The following MAP2K7 variants were observed in gnomAD, a reference collection of about 807,000 sequenced individuals.
MAP2K7 encodes dual specificity mitogen-activated protein kinase kinase 7.
In MAP2K7, 12 loss-of-function variants were observed where a neutral mutation model predicts 47.7. The observed-to-expected ratio is 0.25, with a 90% CI of 0.16 to 0.41. MAP2K7 has a LOEUF of 0.41. Ranked by LOEUF, MAP2K7 falls within the 10% of genes least tolerant of loss-of-function variation. The probability of loss-of-function intolerance (pLI) is 1.00; values close to 1 mark genes in which losing one functional copy is unlikely to be tolerated. For synonymous variants in MAP2K7, 299 were observed against 243.0 expected (o/e 1.23, Z -2.14); for missense variants, 415 against 600.3 (o/e 0.69, Z 3.23).
At position 7,912,834 on chromosome 19, in the gene MAP2K7, C is replaced by CCTCTGTCCCCTGCTCTACCT. The variant is rs1983002567; in HGVS notation, c.*412_*431dup. ...CACGCGCCCGTTCCTCTTCCGTCGC[C>CCTCTGTCCCCTGCTCTACCT]CTCTGTCCCCTGCTCTACCTCTCTG... On this transcript the variant is annotated 3_prime_UTR_variant, in exon 11 of 11. Coordinates refer to ENST00000397979, the MANE Select transcript of MAP2K7 (RefSeq NM_145185.4). The CCTCTGTCCCCTGCTCTACCT allele has an allele frequency of 4.4e-6, 1 of 229,856 alleles. No individual in the cohort carries two copies. Among genetic ancestry groups the CCTCTGTCCCCTGCTCTACCT allele is most frequent in the African/African-American group, 2.3e-5 (1 of 43,148 alleles). The allele number at this position is 229,856 out of a possible 1,614,324, so 14.2% of individuals were successfully genotyped here.
intron 1 of MAP2K7, 64 bp downstream of exon 1, chr19:7,904,132 C>G: frequency 8.4e-7 from 1 of 1,185,450 alleles, no homozygotes; most frequent in South Asian, 3.7e-5. Context: ...GCGGGAGGCC[C>G]CGCCCCCACC....
chr19:7,904,094 G>T, intron 1 of MAP2K7, 26 bp downstream of exon 1: 1 of 1,227,788 alleles, frequency 8.1e-7, no homozygotes, highest in East Asian at 3.5e-5. Flanking sequence ...TGGGGGAGGG[G>T]GCGGGCGGGC....
chr19:7,911,415 C>A, intron 8 of MAP2K7, 21 bp from the exon 9 acceptor site: 1 of 1,613,326 alleles, frequency 6.2e-7, no homozygotes, highest in Non-Finnish European at 8.5e-7. Flanking sequence ...ACCTGTCCAG[C>A]CCTGCCCGTC....
At chr19:7,908,169 A>G (rs1245370631) in intron 1 of MAP2K7, among the ~76,000 whole-genome samples, 1 of 151,950 alleles carries the variant, frequency 6.6e-6, no homozygotes, top group Admixed American at 6.5e-5. Context: ...TATCTCAAAA[A>G]AAAAAAAAAA....
chr19:7,904,034 C>T lies in MAP2K7; in HGVS notation c.90C>T (p.Leu30=), dbSNP rs961443626. Residue 30 remains leucine (L), a synonymous_variant, in exon 1 of 11, where the codon CTC becomes CTT. Coordinates refer to ENST00000397979, the MANE Select transcript of MAP2K7 (RefSeq NM_145185.4). ...GGGAGGCCCGGCGGAGGATCGACCT[C>T]AACCTGGATATCAGCCCCCAGCGGC... is the stretch of plus-strand genomic sequence containing the variant. ...ENREARRRID[L]NLDISPQRPR... is the part of the protein sequence containing the mutation. The T allele has an allele frequency of 4.7e-6, 7 of 1,492,286 alleles. No individual in the cohort carries two copies. The highest frequency in any genetic ancestry group is 5.4e-6 in the Non-Finnish European group (6 of 1,115,062). The allele number at this position is 1,492,286 out of a possible 1,614,324, so 92.4% of individuals were successfully genotyped here. A position where few individuals can be genotyped will look rare whatever the true frequency, so the allele number is the denominator to read the frequency against.
Position 7,910,269 on chromosome 19 carries a change from G to A in MAP2K7, c.343G>A (p.Ala115Thr). Reference protein sequence around the residue: ...YLTIGGQRYQAEINDLENLGE... With the variant: ...YLTIGGQRYQTEINDLENLGE... ...CTCCCTCTCCTCCCAGCGCTACCAGGCAGAAATCAACGACCTGGAGAACTT... is the reference window on the plus strand; with the variant it reads ...CTCCCTCTCCTCCCAGCGCTACCAGACAGAAATCAACGACCTGGAGAACTT... Residue 115 changes from alanine (A) to threonine (T), a missense_variant, in exon 4 of 11, where the codon GCA becomes ACA. This residue lies in a region of MAP2K7 where 206 missense variants were observed against 368.8 expected (regional missense o/e 0.56). Transcript: ENST00000397979. 6.2e-7 allele frequency: 1 copy of A among 1,613,182 alleles called. No individual in the cohort carries two copies.
rs1982921234 is a variant in MAP2K7 at position 7,912,189 on chromosome 19, C to T, written c.1120C>T (p.Leu374=). The change falls in exon 10 of 11, where the codon CTA becomes TTA. Residue 374 remains leucine (L), a synonymous_variant. Coordinates refer to ENST00000397979, the MANE Select transcript of MAP2K7 (RefSeq NM_145185.4). ...CAGGAAGAGACCAAAGTATAATAAG[C>T]TACTTGTGAGTACCTGAGCCCTCCC... is the stretch of plus-strand genomic sequence containing the variant. The part of the protein sequence containing the change: ...DHRKRPKYNK[L]LEHSFIKRYE... The T allele has an allele frequency of 1.2e-6, 2 of 1,613,916 alleles. No homozygotes were observed. Among genetic ancestry groups the T allele is most frequent in the African/African-American group, 1.3e-5 (1 of 74,952 alleles).
chr19:7,907,416 T>C (rs1982536011), intron 1 of MAP2K7, among the ~76,000 whole-genome samples: 1 of 152,218 alleles, frequency 6.6e-6, no homozygotes, highest in East Asian at 1.9e-4. Context: ...TTGCACGGCA[T>C]GTGCGTGCAT....
intron 1 of MAP2K7, chr19:7,905,854 A>G: frequency 3.7e-6 from 6 of 1,612,444 alleles, no homozygotes; most frequent in Non-Finnish European, 5.1e-6. Flanking sequence ...CCCAACGAGC[A>G]GGTACCAGCC....
intron 1 of MAP2K7, 116 bp from the exon 2 acceptor site, chr19:7,909,639 C>T (rs543597143): frequency 1.3e-5 from 8 of 621,380 alleles, no homozygotes; most frequent in South Asian, 5.8e-5. Context: ...CAGCCTAGCT[C>T]GGGAAACCCA....
chr19:7,904,433 C>T (rs1007964452), intron 1 of MAP2K7: 2 of 381,108 alleles, frequency 5.2e-6, no homozygotes, highest in South Asian at 1.8e-5. Context: ...CCTGATGCTA[C>T]CACTCTCGTC....
In MAP2K7 at chr19:7,911,264, C is replaced by G; in HGVS notation, c.870C>G (p.Asp290Glu). Reference sequence around the variant, plus strand: ...CCCCCCTGCAGCCCGAGCGCATTGACCCCCCAGACCCCACCAAGCCGGACT... The same window carrying G: ...CCCCCCTGCAGCCCGAGCGCATTGAGCCCCCAGACCCCACCAAGCCGGACT... Reference protein sequence around the residue: ...CAAYMAPERIDPPDPTKPDYD... With the variant: ...CAAYMAPERIEPPDPTKPDYD... Residue 290 changes from aspartate to glutamate, a missense_variant, in exon 8 of 11, where the codon GAC (aspartate) becomes GAG (glutamate). Asp to Glu is a conservative substitution (Grantham distance 45). Transcript: ENST00000397979. 6.2e-7 allele frequency: 1 copy of G among 1,610,164 alleles called. No individual in the cohort carries two copies. Among genetic ancestry groups the G allele is most frequent in the Non-Finnish European group, 8.5e-7 (1 of 1,177,542 alleles).
In MAP2K7 at chr19:7,911,584, A is replaced by G; in HGVS notation, c.1079+6A>G. On this transcript the variant is annotated splice_donor_region_variant and intron_variant, in intron 9 of 10. Transcript: ENST00000397979. ...CAGTCCTTCGTCAAAGACTGGTGAG[A>G]ACCTCCCTCCACTTGGGAGGTCAGG... 1.3e-6 allele frequency: 2 copies of G among 1,580,334 alleles called. No homozygotes were observed. The highest frequency in any genetic ancestry group is 8.6e-7 in the Non-Finnish European group (1 of 1,160,974).
At position 7,907,331 on chromosome 19, in the gene MAP2K7, A is replaced by G. The variant is rs556261506; in HGVS notation, c.125-2424A>G. 6.6e-5 allele frequency among the ~76,000 whole-genome samples: 10 copies of G among 152,218 alleles called. No individual in the cohort carries two copies. The East Asian group carries it at 1.9e-3, about 29-fold the overall frequency. On this transcript the variant is annotated intron_variant, in intron 1 of 10. Coordinates refer to ENST00000397979, the MANE Select transcript of MAP2K7 (RefSeq NM_145185.4). ...GTTGTGAGTATGTGTGTCCGAGGGC[A>G]AGGGGGACTCTGTCCCGGCTGCATG...
chr19:7,904,111 G>A lies in MAP2K7; in HGVS notation c.124+43G>A, dbSNP rs1044638980. 9 of 1,195,252 alleles carry A rather than the reference G, an allele frequency of 7.5e-6. No individual in the cohort carries two copies. The African/African-American group carries it at 1.1e-4, about 15-fold the overall frequency. The allele number at this position is 1,195,252 out of a possible 1,614,324, so 74.0% of individuals were successfully genotyped here. A position where few individuals can be genotyped will look rare whatever the true frequency, so the allele number is the denominator to read the frequency against. Reference sequence around the variant, plus strand: ...GGGGAGGGGGCGGGCGGGCGGGGCGGGGCGCGCGCCGCGGGAGGCCCCGCC... The same window carrying A: ...GGGGAGGGGGCGGGCGGGCGGGGCGAGGCGCGCGCCGCGGGAGGCCCCGCC... On this transcript the variant is annotated intron_variant, in intron 1 of 10. Transcript: ENST00000397979.
At chr19:7,904,195 G>T (rs929668904) in intron 1 of MAP2K7, 127 bp downstream of exon 1, 4 of 792,750 alleles carry the variant, frequency 5.0e-6, no homozygotes, top group Non-Finnish European at 6.5e-6. Flanking sequence ...CGCCCCCCCC[G>T]CTGCGGGCTC....
chr19:7,909,065 A>C (rs1276075002), intron 1 of MAP2K7, among the ~76,000 whole-genome samples: 1 of 152,084 alleles, frequency 6.6e-6, no homozygotes, highest in Non-Finnish European at 1.5e-5. Flanking sequence ...CAGCCCCTGC[A>C]GGAGCTGTGC....
intron 1 of MAP2K7, chr19:7,905,789 C>A: frequency 6.9e-7 from 1 of 1,456,648 alleles, no homozygotes; most frequent in Non-Finnish European, 9.4e-7. Context: ...TTGTTTTTTT[C>A]TTCCTTTTCC....
rs1760535521 is a variant in MAP2K7, at chr19:7,913,865, G to A, written c.*1434G>A. On this transcript the variant is annotated 3_prime_UTR_variant, in exon 11 of 11. Transcript: ENST00000397979. Reference sequence around the variant, plus strand: ...CCGTGGTGGGGGCAGCGTAGGCGTAGCATCCCTCTCCTCTCACTTAGCCTG... The same window carrying A: ...CCGTGGTGGGGGCAGCGTAGGCGTAACATCCCTCTCCTCTCACTTAGCCTG... The A allele has an allele frequency of 6.6e-6, 1 of 152,564 alleles. No homozygotes were observed. Among genetic ancestry groups the A allele is most frequent in the Non-Finnish European group, 1.5e-5 (1 of 68,034 alleles). The allele number at this position is 152,564 out of a possible 1,614,324, so 9.5% of individuals were successfully genotyped here.
Sources: allele counts gnomAD v4.1 joint callset (sites outside exome capture counted in the v4.1 genomes callset), GRCh38; gene constraint gnomAD v4.1.1; regional missense constraint gnomAD v4.1.1; transcripts MANE v1.5; gene names NCBI Gene and HGNC (gene_info 2026-07-23, HGNC 2026-07-21).